Variants in PLD5 observed in about 807,000 individuals in gnomAD.
PLD5 encodes the protein phospholipase D family member 5.
In PLD5, 36 loss-of-function variants were observed where a neutral mutation model predicts 61.1. The observed-to-expected ratio is 0.59, with a 90% CI of 0.45 to 0.78. PLD5 has a LOEUF of 0.78. Among genes scored for constraint, PLD5 ranks in the 30% least tolerant of loss-of-function variants. The probability of loss-of-function intolerance (pLI) is 0.00; values close to 1 mark genes in which losing one functional copy is unlikely to be tolerated. For synonymous variants in PLD5, 243 were observed against 242.8 expected (o/e 1.00, Z -0.01); for missense variants, 515 against 644.4 (o/e 0.80, Z 2.17).
chr1:242,142,933 C>T (rs1664283218), intron 5 of PLD5, among the ~76,000 whole-genome samples: 1 of 151,386 alleles, frequency 6.6e-6, no homozygotes, highest in Non-Finnish European at 1.5e-5. Context: ...GGCCAGGCTG[C>T]TCTTGAACTC....
At chr1:242,364,541 G>T (rs1017481831) in intron 1 of PLD5, among the ~76,000 whole-genome samples, 5 of 151,870 alleles carry the variant, frequency 3.3e-5, no homozygotes, top group Admixed American at 6.6e-5. Flanking sequence ...ACATGGTGAA[G>T]CCCCATCTCT....
rs753059501 is a variant in PLD5 at position 242,114,056 on chromosome 1, C to T, written c.934-30G>A. ...GAAGACACAAAAGCCAAACTTTTAG[C>T]GTACTAATTTTTGGCAGCTGGGGAT... On this transcript the variant is annotated intron_variant, in intron 6 of 9. Transcript: ENST00000536534. 3.6e-5 allele frequency: 58 copies of T among 1,599,456 alleles called. 1 individual carries two copies. The Admixed American group carries it at 4.0e-4, about 11-fold the overall frequency.
At chr1:242,217,468 AC>A (rs2149000285) in intron 5 of PLD5, among the ~76,000 whole-genome samples, 1 of 152,312 alleles carries the variant, frequency 6.6e-6, no homozygotes, top group South Asian at 2.1e-4. Context: ...ACTAAAAAAT[AC>A]AAAAATTAGC....
chr1:242,411,318 C>G (rs1039909609), intron 1 of PLD5, among the ~76,000 whole-genome samples: 1 of 152,204 alleles, frequency 6.6e-6, no homozygotes, highest in Non-Finnish European at 1.5e-5. Context: ...TCACTGCAAG[C>G]TCCGCCTCCC....
At chr1:242,112,658 C>A (rs1661621724) in intron 7 of PLD5, among the ~76,000 whole-genome samples, 1 of 152,094 alleles carries the variant, frequency 6.6e-6, no homozygotes, top group South Asian at 2.1e-4. Context: ...AAGAAGCTAC[C>A]TACTATGCAT....
chr1:242,094,178 G>A (rs1660050463), intron 9 of PLD5, among the ~76,000 whole-genome samples: 1 of 151,832 alleles, frequency 6.6e-6, no homozygotes, highest in Admixed American at 6.6e-5. Context: ...TGAGGCCCCA[G>A]TTGCCAGGAG....
At chr1:242,370,679 T>G (rs991849828) in intron 1 of PLD5, among the ~76,000 whole-genome samples, 2 of 152,170 alleles carry the variant, frequency 1.3e-5, no homozygotes, top group Non-Finnish European at 2.9e-5. Context: ...ATTTTGAATG[T>G]TAGTGAATGC....
At chr1:242,522,340 G>A (rs1413567930) in intron 1 of PLD5, among the ~76,000 whole-genome samples, 2 of 152,170 alleles carry the variant, frequency 1.3e-5, no homozygotes, top group African/African-American at 4.8e-5. Flanking sequence ...CTCAGAGGAG[G>A]CTGAGCATCC....
chr1:242,272,338 G>T (rs1674138850), intron 3 of PLD5, among the ~76,000 whole-genome samples: 1 of 152,024 alleles, frequency 6.6e-6, no homozygotes, highest in Non-Finnish European at 1.5e-5. Context: ...AAATTGGGCA[G>T]ATCTAATAGA....
In PLD5 at chr1:242,136,376, TCTTGA is replaced by T. The variant is rs367772471; in HGVS notation, c.736-11716_736-11712del. 9.2e-4 allele frequency among the ~76,000 whole-genome samples: 140 copies of T among 152,312 alleles called. 3 individuals are homozygous for T. In the South Asian group the frequency reaches 0.016, roughly 17 times the overall value. On this transcript the variant is annotated intron_variant, in intron 5 of 9. Transcript: ENST00000536534. The stretch of plus-strand genomic sequence containing the variant: ...ACCTTTGTGCTGTATCGTAATATAC[TCTTGA>T]CTTACACCTGTTGCTTGTAGACTGG...
At chr1:242,485,911 C>T (rs1369643953) in intron 1 of PLD5, among the ~76,000 whole-genome samples, 2 of 152,116 alleles carry the variant, frequency 1.3e-5, no homozygotes, top group African/African-American at 4.8e-5. Flanking sequence ...AATAATGACA[C>T]ATATCTACAA....
At chr1:242,332,701 A>G (rs1294249535) in intron 2 of PLD5, among the ~76,000 whole-genome samples, 1 of 152,246 alleles carries the variant, frequency 6.6e-6, no homozygotes, top group Non-Finnish European at 1.5e-5. Context: ...GAGCTTTTAC[A>G]TCAAGTGGCT....
chr1:242,301,811 C>A (rs1321131198), intron 2 of PLD5, among the ~76,000 whole-genome samples: 1 of 112,752 alleles, frequency 8.9e-6, no homozygotes, highest in Admixed American at 9.5e-5. Flanking sequence ...AATCTTGGCT[C>A]TTGCCACCCA....
intron 5 of PLD5, chr1:242,147,484 A>AT (rs1448866482): frequency 6.6e-6 from 1 of 152,204 alleles, no homozygotes; most frequent in Admixed American, 6.5e-5. Context: ...ATTCATGTGC[A>AT]TATTTTCGTG....
At chr1:242,373,668 G>C (rs574525462) in intron 1 of PLD5, among the ~76,000 whole-genome samples, 26 of 152,182 alleles carry the variant, frequency 1.7e-4, no homozygotes, top group African/African-American at 4.6e-4. Context: ...GATGAAACTG[G>C]AAATCATCAT....
intron 4 of PLD5, among the ~76,000 whole-genome samples, chr1:242,254,442 G>A (rs7522778): frequency 0.46 from 69,532 of 151,784 alleles, 16,184 homozygotes; most frequent in South Asian, 0.62. Context: ...GGCTGAGGCA[G>A]GCGGATCACC....
Position 242,360,847 on chromosome 1 carries a change from GAAAC to G in PLD5, c.190-12609_190-12606del, listed in dbSNP as rs1463205251. ...CCAGTTTCCTTAGACATTATAAATG[GAAAC>G]AAACAAACAAAAAGCTTTCAGCAAG... is the stretch of plus-strand genomic sequence containing the variant. On this transcript the variant is annotated intron_variant, in intron 1 of 9. Transcript: ENST00000536534. Among the ~76,000 whole-genome samples the G allele has an allele frequency of 2.0e-4, 31 of 151,884 alleles. 1 individual carries two copies. The East Asian group carries it at 3.5e-3, about 17-fold the overall frequency.
At chr1:242,176,117 C>T (rs752929926) in intron 5 of PLD5, among the ~76,000 whole-genome samples, 19 of 152,076 alleles carry the variant, frequency 1.2e-4, no homozygotes, top group Non-Finnish European at 1.9e-4. Context: ...AAAAAGAGCC[C>T]GCATAGCCAA....
chr1:242,279,553 G>A (rs74560153), intron 3 of PLD5, among the ~76,000 whole-genome samples: 8,353 of 149,074 alleles, frequency 0.056, 276 homozygotes, highest in Middle Eastern at 0.13. Context: ...TTTTTTTTTC[G>A]AGACCGAGTC....
Sources: gnomAD v4.1 joint callset for allele counts (sites outside exome capture counted in the v4.1 genomes callset) on GRCh38, gnomAD v4.1.1 for gene constraint, MANE v1.5 for transcripts, NCBI Gene and HGNC (gene_info 2026-07-23, HGNC 2026-07-21) for gene names.